PRLR: variants seen among roughly 807,000 people sequenced by gnomAD.
PRLR encodes the protein prolactin receptor, also known as hPRL receptor.
Under a neutral mutation model 40.2 loss-of-function variants are expected in PRLR, and 13 were observed. That is an observed-to-expected ratio of 0.32 (90% CI 0.21 to 0.51). PRLR has a LOEUF of 0.51. PRLR is among the 20% of genes least tolerant of loss of function. The pLI is 0.97. For missense variants in PRLR, 656 were observed against 747.3 expected (o/e 0.88, Z 1.42); for synonymous variants, 269 against 278.7 (o/e 0.97, Z 0.35).
intron 1 of PRLR, among the ~76,000 whole-genome samples, chr5:35,229,401 G>C (rs1276987398): frequency 6.6e-6 from 1 of 152,054 alleles, no homozygotes; most frequent in Non-Finnish European, 1.5e-5. Flanking sequence ...CTTGTTTTCA[G>C]GGCAGTGTGG....
chr5:35,068,725 T>C, intron 8 of PRLR, 54 bp downstream of exon 8: 1 of 1,297,264 alleles, frequency 7.7e-7, no homozygotes, highest in Admixed American at 1.9e-5. Flanking sequence ...TTTTTTTTTG[T>C]CATTATCCTT....
chr5:35,083,423 TC>T (rs1770642594), intron 5 of PRLR, among the ~76,000 whole-genome samples: 1 of 143,644 alleles, frequency 7.0e-6, no homozygotes, highest in Non-Finnish European at 1.5e-5. Flanking sequence ...GTGATAAATC[TC>T]TCTCTCTCTC....
chr5:35,190,519 C>T (rs935776566), intron 1 of PRLR, among the ~76,000 whole-genome samples: 7 of 151,864 alleles, frequency 4.6e-5, no homozygotes, highest in African/African-American at 1.2e-4. Flanking sequence ...GCAGGAGAAT[C>T]GCTAGAACTG....
intron 1 of PRLR, among the ~76,000 whole-genome samples, chr5:35,123,802 T>G (rs1399999645): frequency 6.6e-6 from 1 of 152,206 alleles, no homozygotes; most frequent in Non-Finnish European, 1.5e-5. Context: ...TACTCACTTA[T>G]AGTCTGTCAT....
chr5:35,124,346 G>A (rs1360260998), intron 1 of PRLR, among the ~76,000 whole-genome samples: 1 of 151,638 alleles, frequency 6.6e-6, no homozygotes, highest in Admixed American at 6.6e-5. Context: ...GGGCCACTCT[G>A]GTAGGAGGTG....
intron 1 of PRLR, among the ~76,000 whole-genome samples, chr5:35,125,482 T>G (rs1773428381): frequency 6.6e-6 from 1 of 152,224 alleles, no homozygotes; most frequent in African/African-American, 2.4e-5. Flanking sequence ...AAAGACACTG[T>G]TTAGACTTCT....
At chr5:35,092,181 G>C (rs1360100608) in intron 2 of PRLR, among the ~76,000 whole-genome samples, 3 of 151,998 alleles carry the variant, frequency 2.0e-5, no homozygotes, top group Non-Finnish European at 4.4e-5. Flanking sequence ...AGTATTCTAT[G>C]AATGAAAAAA....
chr5:35,071,983 C>T (rs558457374), intron 6 of PRLR, among the ~76,000 whole-genome samples: 45 of 152,084 alleles, frequency 3.0e-4, no homozygotes, highest in African/African-American at 9.7e-4. Flanking sequence ...GAAACCTCCG[C>T]CTCCTGGGTT....
chr5:35,135,418 A>G (rs960486797), intron 1 of PRLR: 4 of 152,548 alleles, frequency 2.6e-5, no homozygotes, highest in Non-Finnish European at 4.4e-5. Flanking sequence ...GAGAAAAGGC[A>G]GCCAGAGGGA....
intron 1 of PRLR, among the ~76,000 whole-genome samples, chr5:35,189,977 G>A (rs1031011591): frequency 3.9e-5 from 6 of 152,248 alleles, no homozygotes; most frequent in Admixed American, 6.5e-5. Flanking sequence ...TGGAGCACAG[G>A]AGCCTCCCTG....
chr5:35,182,844 A>G (rs1337677198), intron 1 of PRLR, among the ~76,000 whole-genome samples: 1 of 152,258 alleles, frequency 6.6e-6, no homozygotes, highest in Non-Finnish European at 1.5e-5. Flanking sequence ...ATGATCTCTC[A>G]GAAGTATTTT....
Position 35,065,144 on chromosome 5 carries a change from T to A in PRLR, c.1814A>T (p.Gln605Leu). The A allele has an allele frequency of 6.2e-7, 1 of 1,614,192 alleles. No homozygotes were observed. The highest frequency in any genetic ancestry group is 1.1e-5 in the South Asian group (1 of 91,080). The change falls in exon 10 of 10, where the codon CAG (glutamine) becomes CTG (leucine). Residue 605 changes from glutamine to leucine, a missense_variant. Physicochemically the swap from Gln to Leu is moderately radical, Grantham distance 113. This residue lies in a region of PRLR where 469 missense variants were observed against 491.5 expected (regional missense o/e 0.95). Transcript: ENST00000618457. ...ATCCAGGTAATCCAAACCACCCAGC[T>A]GGAGCCTGCACTTGCTTGATGTTGC... ...FTATSSKCRL[Q>L]LGGLDYLDPA... is the part of the protein sequence containing the mutation.
intron 1 of PRLR, among the ~76,000 whole-genome samples, chr5:35,136,259 A>G (rs1327086328): frequency 6.6e-6 from 1 of 152,188 alleles, no homozygotes; most frequent in African/African-American, 2.4e-5. Flanking sequence ...AGCCAATTGA[A>G]TTTCTTAGGT....
chr5:35,068,144 G>A, intron 9 of PRLR, 72 bp downstream of exon 9: 3 of 1,351,088 alleles, frequency 2.2e-6, no homozygotes, highest in African/African-American at 1.4e-5. Context: ...GACGGGGACT[G>A]TGTGTGAGTG....
intron 1 of PRLR, among the ~76,000 whole-genome samples, chr5:35,147,761 T>A (rs1240378264): frequency 6.6e-6 from 1 of 152,148 alleles, no homozygotes; most frequent in East Asian, 1.9e-4. Flanking sequence ...ACAAATATAT[T>A]CTAGTGCTCA....
chr5:35,134,037 G>A (rs1773772013), intron 1 of PRLR, among the ~76,000 whole-genome samples: 1 of 152,162 alleles, frequency 6.6e-6, no homozygotes, highest in African/African-American at 2.4e-5. Context: ...CTTGGGGAAA[G>A]GTTGGGAAGG....
chr5:35,189,815 T>C (rs989018851), intron 1 of PRLR, among the ~76,000 whole-genome samples: 3 of 151,976 alleles, frequency 2.0e-5, no homozygotes, highest in African/African-American at 7.3e-5. Flanking sequence ...GTGTGAAGAG[T>C]TCATGATTTC....
intron 2 of PRLR, 108 bp from the exon 3 acceptor site, chr5:35,089,771 G>T: frequency 1.5e-6 from 1 of 663,680 alleles, no homozygotes; most frequent in Non-Finnish European, 2.7e-6. Flanking sequence ...TGCTTAATGT[G>T]AATGACAAAA....
intron 1 of PRLR, among the ~76,000 whole-genome samples, chr5:35,147,216 G>C (rs968992605): frequency 6.6e-6 from 1 of 152,132 alleles, no homozygotes; most frequent in Non-Finnish European, 1.5e-5. Flanking sequence ...TCCCACTTTT[G>C]TGAGGCCAGT....
Sources: allele counts gnomAD v4.1 joint callset (sites outside exome capture counted in the v4.1 genomes callset), GRCh38; gene constraint gnomAD v4.1.1; regional missense constraint gnomAD v4.1.1; transcripts MANE v1.5; gene names NCBI Gene and HGNC (gene_info 2026-07-23, HGNC 2026-07-21).